Variants in SLC24A3 observed in about 807,000 individuals in gnomAD.
SLC24A3 encodes solute carrier family 24 member 3, also known as sodium/potassium/calcium exchanger 3.
A neutral mutation model predicts 75.8 loss-of-function variants in SLC24A3; 28 were observed. The observed-to-expected ratio is 0.37, with a 90% CI of 0.27 to 0.51. The LOEUF (loss-of-function observed/expected upper bound fraction) is 0.51, where lower values mean the gene tolerates loss of function less well. Among genes scored for constraint, SLC24A3 ranks in the 20% least tolerant of loss-of-function variants. SLC24A3 has a pLI of 0.94. For missense variants in SLC24A3, 663 were observed against 847.8 expected, an observed-to-expected ratio of 0.78 and a Z score of 2.71; for synonymous variants, 372 against 334.1, an observed-to-expected ratio of 1.11 and a Z score of -1.24.
At chr20:19,562,074 C>T (rs573441649) in intron 3 of SLC24A3, among the ~76,000 whole-genome samples, 3 of 152,222 alleles carry the variant, frequency 2.0e-5, no homozygotes, top group African/African-American at 7.2e-5. Context: ...CATGCCTTAC[C>T]CCAGTGTGCC....
At chr20:19,674,619 G>A (rs191412698) in intron 9 of SLC24A3, among the ~76,000 whole-genome samples, 160 of 152,320 alleles carry the variant, frequency 1.1e-3, no homozygotes, top group Admixed American at 1.8e-3. Context: ...TATTAGAAGC[G>A]AGTCACTAAG....
intron 1 of SLC24A3, among the ~76,000 whole-genome samples, chr20:19,255,422 G>A (rs1040329981): frequency 1.3e-5 from 2 of 152,248 alleles, no homozygotes; most frequent in African/African-American, 2.4e-5. Flanking sequence ...GATTTGGAGT[G>A]TCGTTGAGAG....
At chr20:19,436,520 C>T (rs1014595657) in intron 2 of SLC24A3, among the ~76,000 whole-genome samples, 1 of 152,236 alleles carries the variant, frequency 6.6e-6, no homozygotes, top group Non-Finnish European at 1.5e-5. Context: ...TGGCTGGATG[C>T]TCCCAGGAGC....
intron 2 of SLC24A3, among the ~76,000 whole-genome samples, chr20:19,490,354 GC>G (rs1383019909): frequency 1.4e-4 from 22 of 152,096 alleles, no homozygotes; most frequent in African/African-American, 5.3e-4. Context: ...AATGTCTCCT[GC>G]CATATACTTC....
chr20:19,442,360 T>G (rs1321395558), intron 2 of SLC24A3, among the ~76,000 whole-genome samples: 2 of 152,214 alleles, frequency 1.3e-5, no homozygotes, highest in African/African-American at 4.8e-5. Context: ...CCCCACATCT[T>G]CACCAGCATT....
At chr20:19,412,738 AT>A (rs1986768544) in intron 2 of SLC24A3, among the ~76,000 whole-genome samples, 1 of 152,150 alleles carries the variant, frequency 6.6e-6, no homozygotes, top group African/African-American at 2.4e-5. Flanking sequence ...CTTTGACTTG[AT>A]ATCTTTTAAA....
At chr20:19,269,428 G>C (rs984620279) in intron 1 of SLC24A3, among the ~76,000 whole-genome samples, 4 of 152,242 alleles carry the variant, frequency 2.6e-5, no homozygotes, top group Non-Finnish European at 4.4e-5. Flanking sequence ...TCTCAGGCCA[G>C]GTGGTCAAAG....
intron 2 of SLC24A3, among the ~76,000 whole-genome samples, chr20:19,306,204 T>C (rs1009085260): frequency 6.6e-5 from 10 of 152,256 alleles, no homozygotes; most frequent in South Asian, 2.1e-4. Context: ...GAATGGCTAT[T>C]AATAAAAAGA....
intron 2 of SLC24A3, among the ~76,000 whole-genome samples, chr20:19,287,338 A>G (rs1374967581): frequency 1.3e-5 from 2 of 152,224 alleles, no homozygotes; most frequent in Non-Finnish European, 2.9e-5. Flanking sequence ...CGATGCTCAC[A>G]TTCCATTGGC....
chr20:19,574,205 G>T (rs753558475), intron 3 of SLC24A3, among the ~76,000 whole-genome samples: 18 of 152,186 alleles, frequency 1.2e-4, no homozygotes, highest in Non-Finnish European at 2.2e-4. Flanking sequence ...ACATATAAAT[G>T]TGATTTCAGC....
rs75399854 is a variant in SLC24A3, at chr20:19,666,920, G to A, written c.713+1031G>A. Reference sequence around the variant, plus strand: ...TGGAAATGGAAATCGAGTGTATTGTGCATTCTCGTTACATATTTTCCGAAT... The same window carrying A: ...TGGAAATGGAAATCGAGTGTATTGTACATTCTCGTTACATATTTTCCGAAT... On this transcript the variant is annotated intron_variant, in intron 8 of 16. Coordinates refer to ENST00000328041, the MANE Select transcript of SLC24A3 (RefSeq NM_020689.4). Among the ~76,000 whole-genome samples, 1,065 of 152,298 alleles carry A rather than the reference G, an allele frequency of 7.0e-3. 17 individuals carry two copies. The highest frequency in any genetic ancestry group is 0.024 in the African/African-American group (1,011 of 41,572).
At chr20:19,683,416 G>A (rs1056757122) in intron 10 of SLC24A3, among the ~76,000 whole-genome samples, 1 of 152,180 alleles carries the variant, frequency 6.6e-6, no homozygotes, top group African/African-American at 2.4e-5. Context: ...GAGGGAGCTG[G>A]ACCCTTCGTG....
chr20:19,580,098 T>A (rs772195977), intron 4 of SLC24A3, 24 bp downstream of exon 4: 2 of 1,602,572 alleles, frequency 1.2e-6, no homozygotes, highest in Admixed American at 3.3e-5. Context: ...ATTCTTGGTA[T>A]GTGTGAGCCA....
chr20:19,311,171 T>G (rs1341810476), intron 2 of SLC24A3, among the ~76,000 whole-genome samples: 1 of 152,056 alleles, frequency 6.6e-6, no homozygotes, highest in East Asian at 1.9e-4. Flanking sequence ...GTTACTCATA[T>G]GTGTGTAGAG....
At chr20:19,560,888 A>G (rs2030864503) in intron 3 of SLC24A3, among the ~76,000 whole-genome samples, 1 of 152,216 alleles carries the variant, frequency 6.6e-6, no homozygotes, top group Admixed American at 6.5e-5. Context: ...TATAATTAAT[A>G]GAATCCAAAC....
chr20:19,223,090 C>T (rs554359832), intron 1 of SLC24A3, among the ~76,000 whole-genome samples: 2 of 151,952 alleles, frequency 1.3e-5, no homozygotes, highest in Non-Finnish European at 2.9e-5. Flanking sequence ...GTCAGGAGTT[C>T]GAGATCAGCC....
intron 3 of SLC24A3, among the ~76,000 whole-genome samples, chr20:19,528,355 C>A (rs2030237144): frequency 6.6e-6 from 1 of 152,158 alleles, no homozygotes; most frequent in South Asian, 2.1e-4. Context: ...TGCCCATTTT[C>A]CCATCTCTTT....
chr20:19,443,612 C>G (rs1161839731), intron 2 of SLC24A3, among the ~76,000 whole-genome samples: 1 of 152,130 alleles, frequency 6.6e-6, no homozygotes, highest in South Asian at 2.1e-4. Context: ...ATTCTGAAAC[C>G]TGTAAGAGGA....
chr20:19,259,456 T>C (rs1982916778), intron 1 of SLC24A3, among the ~76,000 whole-genome samples: 1 of 152,170 alleles, frequency 6.6e-6, no homozygotes, highest in South Asian at 2.1e-4. Flanking sequence ...AGGCCTTTAA[T>C]CATAGTAGAA....
Sources: gnomAD v4.1 joint callset for allele counts (sites outside exome capture counted in the v4.1 genomes callset) on GRCh38, gnomAD v4.1.1 for gene constraint, MANE v1.5 for transcripts, NCBI Gene and HGNC (gene_info 2026-07-23, HGNC 2026-07-21) for gene names.